Variants in TMEM132A observed in about 807,000 individuals in gnomAD.
TMEM132A encodes the protein transmembrane protein 132A.
In TMEM132A, 48 loss-of-function variants were observed where a neutral mutation model predicts 69.9. The ratio of observed to expected loss-of-function variants is 0.69; its 90% CI spans 0.55 to 0.87. The LOEUF (loss-of-function observed/expected upper bound fraction) is 0.87. TMEM132A is among the 40% of genes least tolerant of loss of function. The pLI, the probability that TMEM132A is intolerant of heterozygous loss-of-function variation, is 0.00. For synonymous variants in TMEM132A, 577 were observed against 613.7 expected (o/e 0.94, Z 0.88); for missense variants, 1,287 against 1,407.2 (o/e 0.91, Z 1.37).
chr11:60,936,906 G>C lies in TMEM132A; in HGVS notation c.3071G>C (p.Ter1024SerextTer33), dbSNP rs760284043. ...ATGGAGAGGATCCGGGGCAGCTCCT[G>C]ACCCTCCACAGCCACCTGGTCAGCC... ...NYMERIRGSS* is the reference protein window; with the variant it reads ...NYMERIRGSSS Residue 1024 changes from the stop codon to serine, a stop_lost, in exon 11 of 11, where the codon TGA becomes TCA. Transcript: ENST00000453848. 2 of 1,532,142 alleles carry C rather than the reference G, an allele frequency of 1.3e-6. No individual in the cohort carries two copies. Among genetic ancestry groups the C allele is most frequent in the Non-Finnish European group, 1.8e-6 (2 of 1,139,162 alleles). The allele number at this position is 1,532,142 out of a possible 1,614,324, so 94.9% of individuals were successfully genotyped here. A position where few individuals can be genotyped will look rare whatever the true frequency, so the allele number is the denominator to read the frequency against.
At chr11:60,929,535 T>C (rs1856430639) in intron 4 of TMEM132A, among the ~76,000 whole-genome samples, 1 of 152,206 alleles carries the variant, frequency 6.6e-6, no homozygotes, top group Admixed American at 6.5e-5. Context: ...GACTTGCTTC[T>C]GGAGTCCAGC....
Position 60,930,811 on chromosome 11 carries a change from A to G in TMEM132A, c.1016+152A>G, listed in dbSNP as rs865927831. 81 of 739,532 alleles carry G rather than the reference A, an allele frequency of 1.1e-4. No homozygotes were observed. In the Middle Eastern group the frequency reaches 3.9e-3, roughly 35 times the overall value. 45.8% of individuals were successfully genotyped at this position (739,532 alleles called of 1,614,324 possible). Reference sequence around the variant, plus strand: ...TTCAAGGAAGCAGCACAAAGCAGGCATAATCCATTCCTTCATTCATTCATT... The same window carrying G: ...TTCAAGGAAGCAGCACAAAGCAGGCGTAATCCATTCCTTCATTCATTCATT... On this transcript the variant is annotated intron_variant, in intron 5 of 10. Transcript: ENST00000453848.
intron 4 of TMEM132A, 27 bp downstream of exon 4, chr11:60,928,987 G>A (rs763608061): frequency 1.9e-6 from 3 of 1,608,816 alleles, no homozygotes; most frequent in African/African-American, 2.7e-5. Context: ...GGGGATGGGT[G>A]AGGGTGGGAA....
At chr11:60,934,379 T>G in intron 8 of TMEM132A, 109 bp from the exon 9 acceptor site, 6 of 1,021,680 alleles carry the variant, frequency 5.9e-6, no homozygotes, top group Non-Finnish European at 6.5e-6. Flanking sequence ...CAGGAGCTGC[T>G]GGTGATTAGG....
At position 60,927,684 on chromosome 11, in the gene TMEM132A, C is replaced by T; in HGVS notation, c.359C>T (p.Pro120Leu). 6.2e-7 allele frequency: 1 copy of T among 1,613,550 alleles called. No individual in the cohort carries two copies. Among genetic ancestry groups the T allele is most frequent in the Non-Finnish European group, 8.5e-7 (1 of 1,180,026 alleles). ...ACTGAGCCCCACCAACGGCCAGTCC[C>T]ATGGGACGTGCGGGCCGTTTCAGTG... ...RVTEPHQRPV[P>L]WDVRAVSVEA... Residue 120 changes from proline to leucine, a missense_variant, in exon 3 of 11, where the codon CCA becomes CTA. Coordinates refer to ENST00000453848, the MANE Select transcript of TMEM132A (RefSeq NM_178031.3).
Position 60,937,051 on chromosome 11 carries a change from C to T in TMEM132A, c.*144C>T. ...CCCCCACAAGGACTCCCATCCAGGCCCCCTCTGCCCTGCCCCTTGTCATGG... is the reference window on the plus strand; with the variant it reads ...CCCCCACAAGGACTCCCATCCAGGCTCCCTCTGCCCTGCCCCTTGTCATGG... On this transcript the variant is annotated 3_prime_UTR_variant, in exon 11 of 11. Coordinates refer to ENST00000453848, the MANE Select transcript of TMEM132A (RefSeq NM_178031.3). 1 of 1,274,870 alleles carries T rather than the reference C, an allele frequency of 7.8e-7. No homozygotes were observed. Among genetic ancestry groups the T allele is most frequent in the Non-Finnish European group, 1.1e-6 (1 of 949,308 alleles). 79.0% of individuals were successfully genotyped at this position (1,274,870 alleles called of 1,614,324 possible). A position where few individuals can be genotyped will look rare whatever the true frequency, so the allele number is the denominator to read the frequency against.
intron 8 of TMEM132A, chr11:60,934,109 C>G: frequency 2.7e-6 from 1 of 374,088 alleles, no homozygotes; most frequent in Non-Finnish European, 4.8e-6. Flanking sequence ...TAAGATGACA[C>G]AGAGCTCAGG....
intron 2 of TMEM132A, 76 bp downstream of exon 2, chr11:60,927,494 C>T (rs1033219557): frequency 1.6e-5 from 23 of 1,468,790 alleles, no homozygotes; most frequent in Middle Eastern, 3.6e-4. Flanking sequence ...AATTGGGAGC[C>T]TTCCCCAGCC....
Position 60,932,061 on chromosome 11 carries a change from C to G in TMEM132A, c.1290C>G (p.Gly430=), listed in dbSNP as rs61745629. 2 of 1,588,880 alleles carry G rather than the reference C, an allele frequency of 1.3e-6. No individual in the cohort carries two copies. Among genetic ancestry groups the G allele is most frequent in the South Asian group, 1.2e-5 (1 of 86,706 alleles). ...HVPVRLVTVD[G]GGALVEVTEH... Reference sequence around the variant, plus strand: ...CCGTGCGCCTTGTCACTGTGGACGGCGGGGGGGCCTTGGTGGAGGTGACAG... The same window carrying G: ...CCGTGCGCCTTGTCACTGTGGACGGGGGGGGGGCCTTGGTGGAGGTGACAG... The change falls in exon 7 of 11, where the codon GGC becomes GGG. Residue 430 remains glycine (G), a synonymous_variant. Transcript: ENST00000453848.
At position 60,936,664 on chromosome 11, in the gene TMEM132A, C is replaced by T; in HGVS notation, c.2829C>T (p.Gly943=). The T allele has an allele frequency of 1.3e-6, 2 of 1,551,850 alleles. No homozygotes were observed. Among genetic ancestry groups the T allele is most frequent in the Non-Finnish European group, 1.7e-6 (2 of 1,150,402 alleles). Residue 943 remains glycine, a synonymous_variant, in exon 11 of 11, where the codon GGC becomes GGT. Transcript: ENST00000453848. ...CCCTGGCCCCTGGCCCTCCTGGGGG[C>T]ACCACCAGCTCCTCAAGCACCCTGG... The part of the protein sequence containing the change: ...APTLAPGPPG[G]TTSSSSTLAR...
At chr11:60,934,083 T>A in intron 8 of TMEM132A, 1 of 404,804 alleles carries the variant, frequency 2.5e-6, no homozygotes. Context: ...TCTATGCTGG[T>A]CGTACCCTCA....
At chr11:60,932,250 C>T in intron 7 of TMEM132A, 123 bp downstream of exon 7, 1 of 1,215,800 alleles carries the variant, frequency 8.2e-7, no homozygotes, top group African/African-American at 1.5e-5. Context: ...GACGAGAAAC[C>T]TCATGGGAGG....
rs746906312 is a variant in TMEM132A, at chr11:60,924,468, C to A, written c.-166C>A. The A allele has an allele frequency of 9.8e-6, 4 of 409,874 alleles. No homozygotes were observed. The highest frequency in any genetic ancestry group is 4.3e-5 in the East Asian group (1 of 23,180). 25.4% of individuals were successfully genotyped at this position (409,874 alleles called of 1,614,324 possible). A position where few individuals can be genotyped will look rare whatever the true frequency, so the allele number is the denominator to read the frequency against. On this transcript the variant is annotated 5_prime_UTR_variant, in exon 1 of 11. Transcript: ENST00000453848. ...TCGCTCCCTCCCACCCCACTGCTCCCGCTCCATTGTCTGGGAATTGCAGCC... is the reference window on the plus strand; with the variant it reads ...TCGCTCCCTCCCACCCCACTGCTCCAGCTCCATTGTCTGGGAATTGCAGCC...
rs139961424 is a variant in TMEM132A at position 60,933,626 on chromosome 11, C to T, written c.1441C>T (p.Arg481Trp). The T allele has an allele frequency of 7.6e-5, 122 of 1,605,622 alleles. No homozygotes were observed. The highest frequency in any genetic ancestry group is 4.9e-4 in the African/African-American group (37 of 74,956). Residue 481 changes from arginine (R) to tryptophan (W), a missense_variant, in exon 8 of 11, where the codon CGG becomes TGG. Physicochemically the swap from Arg to Trp is moderately radical, Grantham distance 101 (BLOSUM62 -3). Coordinates refer to ENST00000453848, the MANE Select transcript of TMEM132A (RefSeq NM_178031.3). ...GGTGCGAGTGGACTTCTGGTGGCGC[C>T]GGCTCCGCGCCTCGCTGCGGCTGAC... The part of the protein sequence containing the change: ...RGVRVDFWWR[R>W]LRASLRLTVW...
intron 1 of TMEM132A, chr11:60,925,398 G>A (rs2134889054): frequency 6.6e-6 from 1 of 151,960 alleles, no homozygotes; most frequent in East Asian, 1.9e-4. Flanking sequence ...GAGGGACAGT[G>A]AAACATTCTC....
chr11:60,928,742 T>G lies in TMEM132A; in HGVS notation c.648T>G (p.Pro216=). 3 of 1,609,386 alleles carry G rather than the reference T, an allele frequency of 1.9e-6. No individual in the cohort carries two copies. Among genetic ancestry groups the G allele is most frequent in the Non-Finnish European group, 2.5e-6 (3 of 1,178,524 alleles). Residue 216 remains proline, a synonymous_variant, in exon 4 of 11, where the codon CCT becomes CCG. Coordinates refer to ENST00000453848, the MANE Select transcript of TMEM132A (RefSeq NM_178031.3). ...CGCTTGAGCCTGCAGCTGAGGGCCC[T>G]GGGGGCTGTGGCTCCGGCGAGGAGA... ...AYTLEPAAEG[P]GGCGSGEEND... is the part of the protein sequence containing the mutation.
In TMEM132A at chr11:60,929,273, A is replaced by G. The variant is rs1856424329; in HGVS notation, c.866+313A>G. On this transcript the variant is annotated intron_variant, in intron 4 of 10. Transcript: ENST00000453848. ...AAGTCTCCAGGGAGGGGAACCCGCA[A>G]AGGGCTTAGAGACTGCAGTACCTAA... Among the ~76,000 whole-genome samples, 3 of 152,318 alleles carry G rather than the reference A, an allele frequency of 2.0e-5. No individual in the cohort carries two copies. In the South Asian group the frequency reaches 6.2e-4, roughly 32 times the overall value.
In TMEM132A at chr11:60,930,544, G is replaced by A. The variant is rs942701081; in HGVS notation, c.901G>A (p.Ala301Thr). Residue 301 changes from alanine (A) to threonine (T), a missense_variant, in exon 5 of 11, where the codon GCC becomes ACC. Ala to Thr is a moderately conservative substitution (Grantham distance 58). Coordinates refer to ENST00000453848, the MANE Select transcript of TMEM132A (RefSeq NM_178031.3). ...KVKKGLHVTA[A>T]RPAQPTLWTA... ...GAAGAAGGGGCTGCATGTGACAGCC[G>A]CCCGCCCAGCCCAGCCCACACTCTG... The A allele has an allele frequency of 2.3e-5, 37 of 1,609,688 alleles. No individual in the cohort carries two copies. Among genetic ancestry groups the A allele is most frequent in the East Asian group, 6.7e-5 (3 of 44,570 alleles).
Position 60,927,374 on chromosome 11 carries a change from C to T in TMEM132A, c.271C>T (p.Gln91Ter). Residue 91 changes from glutamine (Q) to a stop codon, truncating the protein, a stop_gained, in exon 2 of 11, where the codon CAG becomes TAG. Transcript: ENST00000453848. LOFTEE classifies it high-confidence loss of function. ...FLLLQPWPRAQPLLRASYPPF... is the reference protein window; with the variant it reads ...FLLLQPWPRA ...GCTCCTACAGCCCTGGCCCAGGGCC[C>T]AGCCACTTCTCCGGGCCTCCTACCC... 6.2e-7 allele frequency: 1 copy of T among 1,613,478 alleles called. No homozygotes were observed. Among genetic ancestry groups the T allele is most frequent in the Non-Finnish European group, 8.5e-7 (1 of 1,179,966 alleles).
Sources: gnomAD v4.1 joint callset for allele counts (sites outside exome capture counted in the v4.1 genomes callset) on GRCh38, gnomAD v4.1.1 for gene constraint, MANE v1.5 for transcripts, NCBI Gene and HGNC (gene_info 2026-07-23, HGNC 2026-07-21) for gene names.